IGFN1: variants seen among roughly 807,000 people sequenced by gnomAD.
IGFN1 encodes the protein immunoglobulin like and fibronectin type III domain containing 1.
In IGFN1, 253 loss-of-function variants were observed where a neutral mutation model predicts 289.5. The ratio of observed to expected loss-of-function variants is 0.87; its 90% CI spans 0.79 to 0.97. The LOEUF (loss-of-function observed/expected upper bound fraction) is 0.97, where lower values mean the gene tolerates loss of function less well. Ranked by LOEUF, IGFN1 falls within the 50% of genes least tolerant of loss-of-function variation. The pLI, the probability that IGFN1 is intolerant of heterozygous loss-of-function variation, is 0.00. For missense variants in IGFN1, 4,470 were observed against 4,686.1 expected (o/e 0.95, Z 1.35); for synonymous variants, 1,706 against 1,788.5 (o/e 0.95, Z 1.16).
At chr1:201,199,220 G>A (rs937624302) in intron 5 of IGFN1, 114 bp from the exon 6 acceptor site, 12 of 879,652 alleles carry the variant, frequency 1.4e-5, no homozygotes, top group Non-Finnish European at 2.0e-5. Flanking sequence ...AGAGGACAGT[G>A]GGGAGAGCAG....
In IGFN1 at chr1:201,208,506, G is replaced by A; in HGVS notation, c.3613G>A (p.Ala1205Thr). 6.9e-7 allele frequency: 1 copy of A among 1,450,998 alleles called. No homozygotes were observed. 89.9% of individuals were successfully genotyped at this position (1,450,998 alleles called of 1,614,324 possible). A position where few individuals can be genotyped will look rare whatever the true frequency, so the allele number is the denominator to read the frequency against. Residue 1205 changes from alanine (A) to threonine (T), a missense_variant, in exon 12 of 24, where the codon GCT (alanine) becomes ACT (threonine). Physicochemically the swap from Ala to Thr is moderately conservative, Grantham distance 58. Around this residue, in one of 8 missense-constraint regions of IGFN1, gnomAD observed 2,011 missense variants for 1,953.4 expected, o/e 1.03. Coordinates refer to ENST00000335211, the MANE Select transcript of IGFN1 (RefSeq NM_001164586.2). Reference sequence around the variant, plus strand: ...TGGGGCCGCTTCTGGGAGCCAGTGGGCTTATGGGGCTGGCAATGTGCTGGG... The same window carrying A: ...TGGGGCCGCTTCTGGGAGCCAGTGGACTTATGGGGCTGGCAATGTGCTGGG... ...HNGAASGSQWAYGAGNVLGYE... is the reference protein window; with the variant it reads ...HNGAASGSQWTYGAGNVLGYE...
At position 201,213,486 on chromosome 1, in the gene IGFN1, C is replaced by G; in HGVS notation, c.8593C>G (p.Pro2865Ala). 1 of 1,613,958 alleles carries G rather than the reference C, an allele frequency of 6.2e-7. No individual in the cohort carries two copies. Among genetic ancestry groups the G allele is most frequent in the South Asian group, 1.1e-5 (1 of 91,080 alleles). Reference sequence around the variant, plus strand: ...GCTGAATGAAGATCAGAGCCGGGAGCCCCCTGGTCACCTTGGTAGCAGGAG... The same window carrying G: ...GCTGAATGAAGATCAGAGCCGGGAGGCCCCTGGTCACCTTGGTAGCAGGAG... ...EMLNEDQSREPPGHLGSRRSG... is the reference protein window; with the variant it reads ...EMLNEDQSREAPGHLGSRRSG... Residue 2865 changes from proline to alanine, a missense_variant, in exon 12 of 24, where the codon CCC becomes GCC. Physicochemically the swap from Pro to Ala is conservative, Grantham distance 27. Transcript: ENST00000335211.
chr1:201,203,794 G>T lies in IGFN1; in HGVS notation c.804G>T (p.Arg268=), dbSNP rs1319377478. The change falls in exon 10 of 24, where the codon CGG becomes CGT. Residue 268 remains arginine (R), a synonymous_variant. Transcript: ENST00000335211. ...ACCAAACCAAGCACTGTCTGCGCCG[G>T]CTGGGGAAGCGCTATGAGTTCCAGA... ...FNNQTKHCLR[R]LGKRYEFQIQ... is the part of the protein sequence containing the mutation. 6.4e-7 allele frequency: 1 copy of T among 1,551,604 alleles called. No individual in the cohort carries two copies. Among genetic ancestry groups the T allele is most frequent in the East Asian group, 2.4e-5 (1 of 40,936 alleles).
intron 2 of IGFN1, among the ~76,000 whole-genome samples, chr1:201,193,624 G>A (rs1666758204): frequency 6.6e-6 from 1 of 152,062 alleles, no homozygotes. Flanking sequence ...GCTAATTTTT[G>A]TATTTTTAGT....
rs1321621907 is a variant in IGFN1 at position 201,211,676 on chromosome 1, T to C, written c.6783T>C (p.Gly2261=). 3.9e-6 allele frequency: 6 copies of C among 1,536,598 alleles called. No homozygotes were observed. In the African/African-American group the frequency reaches 8.2e-5, roughly 21 times the overall value. ...ATTTGGGAGCTCCTGAGGAAATGGG[T>C]TCAGGCAGTTACACAGATTACAGGA... ...RKDLGAPEEM[G]SGSYTDYRNG... The change falls in exon 12 of 24, where the codon GGT becomes GGC. Residue 2261 remains glycine (G), a synonymous_variant. Coordinates refer to ENST00000335211, the MANE Select transcript of IGFN1 (RefSeq NM_001164586.2).
intron 10 of IGFN1, among the ~76,000 whole-genome samples, chr1:201,204,262 C>G (rs1253790712): frequency 1.3e-5 from 2 of 149,798 alleles, no homozygotes; most frequent in Admixed American, 1.3e-4. Flanking sequence ...CCTCATCTCC[C>G]ACAACACCCT....
rs751323976 is a variant in IGFN1, at chr1:201,221,600, A to T, written c.10055A>T (p.His3352Leu). 5.6e-6 allele frequency: 9 copies of T among 1,614,168 alleles called. No individual in the cohort carries two copies. The South Asian group carries it at 9.9e-5, about 18-fold the overall frequency. Residue 3352 changes from histidine (H) to leucine (L), a missense_variant, in exon 19 of 24, where the codon CAT (histidine) becomes CTT (leucine). By Grantham distance (99) the His-to-Leu change is moderately conservative. Transcript: ENST00000335211. Reference sequence around the variant, plus strand: ...GACAGTCTCCAGTGGCTCCCGTGCCATGTGGGCACCGTGCCAGTCACCACC... The same window carrying T: ...GACAGTCTCCAGTGGCTCCCGTGCCTTGTGGGCACCGTGCCAGTCACCACC... Reference protein sequence around the residue: ...SSDSLQWLPCHVGTVPVTTYT... With the variant: ...SSDSLQWLPCLVGTVPVTTYT...
rs144677358 is a variant in IGFN1, at chr1:201,192,348, C to T, written c.-47-899C>T. Among the ~76,000 whole-genome samples, 15 of 152,326 alleles carry T rather than the reference C, an allele frequency of 9.8e-5. No homozygotes were observed. The East Asian group carries it at 1.7e-3, about 18-fold the overall frequency. On this transcript the variant is annotated intron_variant, in intron 1 of 23. Transcript: ENST00000335211. ...TGGAACCGCTTGGCCATGGGCCAATCGCACAGAGGGTGGGACTGCTGGAAG... is the reference window on the plus strand; with the variant it reads ...TGGAACCGCTTGGCCATGGGCCAATTGCACAGAGGGTGGGACTGCTGGAAG...
Position 201,194,168 on chromosome 1 carries a change from T to C in IGFN1, c.22T>C (p.Ser8Pro), listed in dbSNP as rs1161287123. 1.3e-6 allele frequency: 2 copies of C among 1,551,490 alleles called. No homozygotes were observed. The highest frequency in any genetic ancestry group is 2.4e-5 in the South Asian group (2 of 84,054). The stretch of plus-strand genomic sequence containing the variant: ...GCATTCTCCAGGAAAGCTCCGGAAG[T>C]CCCACATCCCTGGAGTGAGCATCTG... The part of the protein sequence containing the change: MAGKLRK[S>P]HIPGVSIWQL... Residue 8 changes from serine (S) to proline (P), a missense_variant, in exon 3 of 24, where the codon TCC (serine) becomes CCC (proline). This residue lies in a region of IGFN1 where 2,011 missense variants were observed against 1,953.4 expected (regional missense o/e 1.03). Coordinates refer to ENST00000335211, the MANE Select transcript of IGFN1 (RefSeq NM_001164586.2).
In IGFN1 at chr1:201,215,624, C is replaced by A. The variant is rs368687984; in HGVS notation, c.9081C>A (p.Ile3027=). 5.5e-5 allele frequency: 89 copies of A among 1,613,844 alleles called. No individual in the cohort carries two copies. In the East Asian group the frequency reaches 1.5e-3, roughly 27 times the overall value. The change falls in exon 15 of 24, where the codon ATC becomes ATA. Residue 3027 remains isoleucine (I), a synonymous_variant. Transcript: ENST00000335211. ...CTGGGAAGCCGGTGATAGTGAAGATCCCCTTCCAGAGCCACCTCCCCATTC... is the reference window on the plus strand; with the variant it reads ...CTGGGAAGCCGGTGATAGTGAAGATACCCTTCCAGAGCCACCTCCCCATTC... ...VKAGKPVIVK[I]PFQSHLPIQA...
chr1:201,206,505 A>G lies in IGFN1; in HGVS notation c.1612A>G (p.Lys538Glu), dbSNP rs1667428978. ...SSESGLGLPE[K>E]QQQDRGRDSN... is the part of the protein sequence containing the mutation. The stretch of plus-strand genomic sequence containing the variant: ...AGAATCAGGGTTGGGCCTCCCAGAA[A>G]AACAACAGCAAGATCGTGGCAGAGA... Residue 538 changes from lysine to glutamate, a missense_variant, in exon 12 of 24, where the codon AAA becomes GAA. Physicochemically the swap from Lys to Glu is moderately conservative, Grantham distance 56. Transcript: ENST00000335211. The G allele has an allele frequency of 6.4e-7, 1 of 1,551,330 alleles. No homozygotes were observed. The highest frequency in any genetic ancestry group is 8.7e-7 in the Non-Finnish European group (1 of 1,146,960).
Position 201,215,654 on chromosome 1 carries a change from T to C in IGFN1, c.9111T>C (p.Ala3037=), listed in dbSNP as rs1653190283. ...TCCAGAGCCACCTCCCCATTCAGGC[T>C]GCCTGGAGGAAGGACGGGGCTGAGG... is the stretch of plus-strand genomic sequence containing the variant. ...IPFQSHLPIQ[A]AWRKDGAEVV... is the part of the protein sequence containing the mutation. The change falls in exon 15 of 24, where the codon GCT becomes GCC. Residue 3037 remains alanine, a synonymous_variant. Transcript: ENST00000335211. The C allele has an allele frequency of 6.2e-7, 1 of 1,613,912 alleles. No homozygotes were observed. The highest frequency in any genetic ancestry group is 1.7e-5 in the Admixed American group (1 of 60,000).
chr1:201,201,642 A>T lies in IGFN1; in HGVS notation c.634-77A>T, dbSNP rs914431624. On this transcript the variant is annotated intron_variant, in intron 8 of 23. Transcript: ENST00000335211. ...AACGCTGTGGGCCTGGGATGGTACC[A>T]GAGCCTATGAGGGTTCAGAGTACCC... The T allele has an allele frequency of 1.3e-5, 10 of 756,696 alleles. No homozygotes were observed. In the African/African-American group the frequency reaches 1.7e-4, roughly 13 times the overall value. 46.9% of individuals were successfully genotyped at this position (756,696 alleles called of 1,614,324 possible). A position where few individuals can be genotyped will look rare whatever the true frequency, so the allele number is the denominator to read the frequency against.
At position 201,215,861 on chromosome 1, in the gene IGFN1, A is replaced by G. The variant is rs370915732; in HGVS notation, c.9295+23A>G. On this transcript the variant is annotated intron_variant, in intron 15 of 23. Transcript: ENST00000335211. Reference sequence around the variant, plus strand: ...TAGGTACCAGCCCTGTCTTCCCCCAACTAAGGCCTGAGAGTCCCTGGGGTT... The same window carrying G: ...TAGGTACCAGCCCTGTCTTCCCCCAGCTAAGGCCTGAGAGTCCCTGGGGTT... The G allele has an allele frequency of 2.4e-5, 38 of 1,604,134 alleles. 1 individual carries two copies. Among genetic ancestry groups the G allele is most frequent in the Middle Eastern group, 3.3e-4 (2 of 6,076 alleles).
In IGFN1 at chr1:201,212,732, A is replaced by G. The variant is rs772035560; in HGVS notation, c.7839A>G (p.Ser2613=). ...SMPGGRGKST[S]GPADRQGTSN... ...CTGGGGGAAGGGGCAAGTCAACATC[A>G]GGGCCTGCTGATAGACAAGGGACGA... is the stretch of plus-strand genomic sequence containing the variant. The change falls in exon 12 of 24, where the codon TCA becomes TCG. Residue 2613 remains serine (S), a synonymous_variant. Transcript: ENST00000335211. The G allele has an allele frequency of 1.2e-5, 19 of 1,551,246 alleles. No individual in the cohort carries two copies. The highest frequency in any genetic ancestry group is 4.4e-6 in the Non-Finnish European group (5 of 1,146,842).
rs1436124140 is a variant in IGFN1, at chr1:201,212,482, G to T, written c.7589G>T (p.Gly2530Val). The T allele has an allele frequency of 2.6e-6, 4 of 1,540,574 alleles. No individual in the cohort carries two copies. In the South Asian group the frequency reaches 4.8e-5, roughly 18 times the overall value. The part of the protein sequence containing the change: ...GIMGASGFLD[G>V]KGAVEGETWA... Reference sequence around the variant, plus strand: ...ATGGGGGCTTCTGGGTTTCTTGATGGCAAGGGGGCAGTGGAAGGTGAGACC... The same window carrying T: ...ATGGGGGCTTCTGGGTTTCTTGATGTCAAGGGGGCAGTGGAAGGTGAGACC... The change falls in exon 12 of 24, where the codon GGC (glycine) becomes GTC (valine). Residue 2530 changes from glycine to valine, a missense_variant. This residue lies in a region of IGFN1 where 2,218 missense variants were observed against 2,114.1 expected (regional missense o/e 1.05). Coordinates refer to ENST00000335211, the MANE Select transcript of IGFN1 (RefSeq NM_001164586.2).
rs780468684 is a variant in IGFN1, at chr1:201,225,946, C to T, written c.10609C>T (p.Arg3537Cys). 22 of 1,596,354 alleles carry T rather than the reference C, an allele frequency of 1.4e-5. No homozygotes were observed. In the Admixed American group the frequency reaches 1.7e-4, roughly 12 times the overall value. The change falls in exon 22 of 24, where the codon CGC (arginine) becomes TGC (cysteine). Residue 3537 changes from arginine to cysteine, a missense_variant. Around this residue, in one of 8 missense-constraint regions of IGFN1, gnomAD observed 2,218 missense variants for 2,114.1 expected, o/e 1.05. Transcript: ENST00000335211. ...DVPLHYAVFT[R>C]SSAHGPWHEA... ...CCCGCTGCACTACGCGGTGTTCACA[C>T]GCTCCTCAGCGCACGGTCCCTGGCA...
chr1:201,217,176 A>C, intron 16 of IGFN1, 111 bp from the exon 17 acceptor site: 1 of 919,144 alleles, frequency 1.1e-6, no homozygotes, highest in Non-Finnish European at 1.7e-6. Context: ...TCACCAGGAC[A>C]GGGCGGAGTG....
At position 201,214,432 on chromosome 1, in the gene IGFN1, G is replaced by A. The variant is rs1056800637; in HGVS notation, c.8853+131G>A. The A allele has an allele frequency of 4.1e-6, 4 of 964,404 alleles. No individual in the cohort carries two copies. The African/African-American group carries it at 6.6e-5, about 16-fold the overall frequency. The allele number at this position is 964,404 out of a possible 1,614,324, so 59.7% of individuals were successfully genotyped here. On this transcript the variant is annotated intron_variant, in intron 13 of 23. Coordinates refer to ENST00000335211, the MANE Select transcript of IGFN1 (RefSeq NM_001164586.2). ...TTTTGCTAATGTATCCACCTCAGGA[G>A]AAGTTTAAATAGCCAATAACTTGGT...
Sources: gnomAD v4.1 joint callset for allele counts (sites outside exome capture counted in the v4.1 genomes callset) on GRCh38, gnomAD v4.1.1 for gene constraint, gnomAD v4.1.1 regional missense constraint, MANE v1.5 for transcripts, NCBI Gene and HGNC (gene_info 2026-07-23, HGNC 2026-07-21) for gene names.